Variants in UBXN4 observed in about 807,000 individuals in gnomAD.
The protein encoded by UBXN4 is UBX domain protein 4.
UBXN4 carries 35 observed loss-of-function variants against 66.2 expected under a neutral mutation model. That is an observed-to-expected ratio of 0.53 (90% confidence interval 0.40 to 0.70). The LOEUF is 0.70. Among genes scored for constraint, UBXN4 ranks in the 30% least tolerant of loss-of-function variants. The probability of loss-of-function intolerance (pLI) is 0.00; values close to 1 mark genes in which losing one functional copy is unlikely to be tolerated. For synonymous variants in UBXN4, 203 were observed against 204.5 expected (o/e 0.99, Z 0.06); for missense variants, 533 against 599.8 (o/e 0.89, Z 1.16).
intron 9 of UBXN4, 82 bp downstream of exon 9, chr2:135,772,629 A>G: frequency 6.4e-7 from 1 of 1,555,516 alleles, no homozygotes; most frequent in South Asian, 1.2e-5. Context: ...ACACTGATGT[A>G]TACTGTGGTT....
chr2:135,779,852 A>C (rs1002857245), intron 11 of UBXN4, among the ~76,000 whole-genome samples: 14 of 134,756 alleles, frequency 1.0e-4, no homozygotes, highest in Admixed American at 8.5e-4. Flanking sequence ...TTATTATATA[A>C]AATAATTATA....
chr2:135,748,454 A>G, intron 2 of UBXN4, 85 bp downstream of exon 2: 1 of 1,046,426 alleles, frequency 9.6e-7, no homozygotes, highest in Non-Finnish European at 1.3e-6. Flanking sequence ...GACTAGAAGA[A>G]TGTTGATGTT....
chr2:135,777,720 T>TA (rs1255959707), intron 10 of UBXN4, among the ~76,000 whole-genome samples: 19 of 149,544 alleles, frequency 1.3e-4, no homozygotes, highest in African/African-American at 2.0e-4. Context: ...CCATCTATTC[T>TA]AAAAATACAA....
intron 6 of UBXN4, among the ~76,000 whole-genome samples, chr2:135,765,162 T>G (rs560130722): frequency 6.6e-6 from 1 of 152,280 alleles, no homozygotes; most frequent in South Asian, 2.1e-4. Flanking sequence ...TAGGAATCTT[T>G]TAGCGAATCT....
At chr2:135,743,902 G>A (rs1405588176) in intron 1 of UBXN4, among the ~76,000 whole-genome samples, 4 of 152,082 alleles carry the variant, frequency 2.6e-5, no homozygotes, top group Non-Finnish European at 5.9e-5. Flanking sequence ...TTTTACTGAT[G>A]AGCATGTATT....
At chr2:135,778,543 C>G (rs10496736) in intron 10 of UBXN4, among the ~76,000 whole-genome samples, 20,259 of 152,138 alleles carry the variant, frequency 0.13, 1,653 homozygotes, top group South Asian at 0.29. Context: ...GAGGGAAATA[C>G]TGGTCTAGTC....
intron 5 of UBXN4, among the ~76,000 whole-genome samples, chr2:135,756,224 G>T (rs2077278043): frequency 6.6e-6 from 1 of 152,094 alleles, no homozygotes; most frequent in Non-Finnish European, 1.5e-5. Flanking sequence ...GAGTTGTTTG[G>T]TGTAATATAG....
chr2:135,765,253 A>G (rs952064350), intron 6 of UBXN4, among the ~76,000 whole-genome samples: 9 of 151,004 alleles, frequency 6.0e-5, no homozygotes, highest in African/African-American at 2.2e-4. Flanking sequence ...CTTGTCGCCC[A>G]AGCTGGGGTG....
chr2:135,747,652 C>T (rs774751121), intron 1 of UBXN4: 1 of 456,400 alleles, frequency 2.2e-6, no homozygotes, highest in Non-Finnish European at 4.4e-6. Context: ...TTTTCTCTCT[C>T]TCTAGACGGT....
chr2:135,754,724 A>G (rs982031958), intron 4 of UBXN4, among the ~76,000 whole-genome samples: 3 of 152,150 alleles, frequency 2.0e-5, no homozygotes, highest in Non-Finnish European at 4.4e-5. Context: ...TGTTTTTGTA[A>G]ATAGCATGAA....
chr2:135,773,733 A>C (rs2077397069), intron 9 of UBXN4, among the ~76,000 whole-genome samples: 1 of 152,248 alleles, frequency 6.6e-6, no homozygotes. Flanking sequence ...GTGCCTTTTC[A>C]TATTTCCATA....
intron 9 of UBXN4, among the ~76,000 whole-genome samples, chr2:135,773,155 C>T (rs2077394061): frequency 6.6e-6 from 1 of 151,106 alleles, no homozygotes; most frequent in South Asian, 2.1e-4. Context: ...CTTTATTTTT[C>T]AGAATCCCCT....
chr2:135,773,037 CAAAAAAAA>C (rs78669415), intron 9 of UBXN4, among the ~76,000 whole-genome samples: 1 of 80,028 alleles, frequency 1.2e-5, no homozygotes. Flanking sequence ...ACTCCGTCCC[CAAAAAAAA>C]AAAAAAAAAA....
intron 5 of UBXN4, 107 bp from the exon 6 acceptor site, chr2:135,761,711 T>C: frequency 1.1e-6 from 1 of 945,146 alleles, no homozygotes; most frequent in Non-Finnish European, 1.5e-6. Context: ...AAATATATAA[T>C]GCTTAAGATA....
chr2:135,742,008 G>A lies in UBXN4; in HGVS notation c.79G>A (p.Ala27Thr). Residue 27 changes from alanine to threonine, a missense_variant, in exon 1 of 13, where the codon GCA (alanine) becomes ACA (threonine). Transcript: ENST00000272638. The part of the protein sequence containing the change: ...RSGAVFVVFV[A>T]GDDEQSTQMA... ...CGGCGCGGTCTTCGTGGTGTTCGTG[G>A]CAGGTGAAGGAGGCAGGGGTTCGAG... 1 of 1,613,082 alleles carries A rather than the reference G, an allele frequency of 6.2e-7. No individual in the cohort carries two copies. The highest frequency in any genetic ancestry group is 8.5e-7 in the Non-Finnish European group (1 of 1,179,576).
Position 135,741,899 on chromosome 2 carries a change from A to G in UBXN4, c.-31A>G. 12 of 1,600,720 alleles carry G rather than the reference A, an allele frequency of 7.5e-6. No homozygotes were observed. Among genetic ancestry groups the G allele is most frequent in the South Asian group, 1.1e-5 (1 of 89,074 alleles). ...GGCTTCGGGACTGCGGAGACTACAC[A>G]CCGAGCGAGCGCCTGGGCCCGAAGG... On this transcript the variant is annotated 5_prime_UTR_variant, in exon 1 of 13. Transcript: ENST00000272638.
chr2:135,752,543 G>T (rs961772327), intron 2 of UBXN4, among the ~76,000 whole-genome samples: 2 of 152,154 alleles, frequency 1.3e-5, no homozygotes, highest in African/African-American at 4.8e-5. Context: ...TTAATCCTTT[G>T]TTATTATAGA....
At chr2:135,773,809 T>C (rs1354774801) in intron 9 of UBXN4, among the ~76,000 whole-genome samples, 2 of 152,180 alleles carry the variant, frequency 1.3e-5, no homozygotes, top group Non-Finnish European at 2.9e-5. Context: ...CCAAAAATAA[T>C]GAAGTAATAA....
intron 6 of UBXN4, among the ~76,000 whole-genome samples, chr2:135,764,182 AT>A (rs2077333867): frequency 6.6e-6 from 1 of 152,164 alleles, no homozygotes; most frequent in Non-Finnish European, 1.5e-5. Context: ...CAAATGTAAG[AT>A]TCTTACTTTC....
Sources: gnomAD v4.1 joint callset for allele counts (sites outside exome capture counted in the v4.1 genomes callset) on GRCh38, gnomAD v4.1.1 for gene constraint, MANE v1.5 for transcripts, NCBI Gene and HGNC (gene_info 2026-07-23, HGNC 2026-07-21) for gene names.